The following AZI2 variants were observed in gnomAD, a reference collection of about 807,000 sequenced individuals.
AZI2 encodes 5-azacytidine-induced protein 2.
A neutral mutation model predicts 45.8 loss-of-function variants in AZI2; 22 were observed. The observed-to-expected ratio is 0.48, with a 90% CI of 0.34 to 0.69. The LOEUF (loss-of-function observed/expected upper bound fraction) is 0.69. Ranked by LOEUF, AZI2 falls within the 30% of genes least tolerant of loss-of-function variation. AZI2 has a pLI of 0.01. For missense variants in AZI2, 417 were observed against 441.5 expected, an observed-to-expected ratio of 0.94 and a Z score of 0.50; for synonymous variants, 137 against 156.7, an observed-to-expected ratio of 0.87 and a Z score of 0.94.
In AZI2 at chr3:28,338,653, T is replaced by C. The variant is rs73825134; in HGVS notation, c.217-38A>G. 7,590 of 1,520,936 alleles carry C rather than the reference T, an allele frequency of 5.0e-3. 279 individuals are homozygous for C. In the African/African-American group the frequency reaches 0.084, roughly 17 times the overall value. The allele number at this position is 1,520,936 out of a possible 1,614,324, so 94.2% of individuals were successfully genotyped here. On this transcript the variant is annotated intron_variant, in intron 2 of 7. Transcript: ENST00000479665. ...AATTAGAAGAGAAAGCTTAAGAGAG[T>C]ATTCTATAGATAAAAAATAAGTCAG...
In AZI2 at chr3:28,340,607, A is replaced by C; in HGVS notation, c.11T>G (p.Leu4Arg). Residue 4 changes from leucine to arginine, a missense_variant, in exon 2 of 8, where the codon CTG becomes CGG. Coordinates refer to ENST00000479665, the MANE Select transcript of AZI2 (RefSeq NM_022461.5). MDA[L>R]VEDDICILNH... Reference sequence around the variant, plus strand: ...CAGAATACAGATATCATCTTCTACCAGTGCATCCATGACAACTGTTTAAAA... The same window carrying C: ...CAGAATACAGATATCATCTTCTACCCGTGCATCCATGACAACTGTTTAAAA... 1 of 1,608,038 alleles carries C rather than the reference A, an allele frequency of 6.2e-7. No homozygotes were observed. Among genetic ancestry groups the C allele is most frequent in the Non-Finnish European group, 8.5e-7 (1 of 1,177,486 alleles).
At chr3:28,343,341 C>A (rs917070540) in intron 1 of AZI2, among the ~76,000 whole-genome samples, 5 of 151,804 alleles carry the variant, frequency 3.3e-5, no homozygotes, top group African/African-American at 1.2e-4. Context: ...AGCAGGGGAA[C>A]AAGTTCAAAG....
chr3:28,338,402 G>T, intron 3 of AZI2, 91 bp downstream of exon 3: 5 of 1,331,582 alleles, frequency 3.8e-6, no homozygotes, highest in Non-Finnish European at 4.0e-6. Context: ...ATTACTAAAT[G>T]TAAATATTTA....
At position 28,332,362 on chromosome 3, in the gene AZI2, G is replaced by C. The variant is rs1379839198; in HGVS notation, c.647+7C>G. The C allele has an allele frequency of 1.3e-6, 2 of 1,599,618 alleles. No homozygotes were observed. Among genetic ancestry groups the C allele is most frequent in the South Asian group, 2.2e-5 (2 of 90,702 alleles). ...CGTATTGTCTTAATGCTGAAGAGTG[G>C]TCATACCTTGAAATGCTTAGTTTTT... On this transcript the variant is annotated splice_region_variant and intron_variant, in intron 6 of 7. Coordinates refer to ENST00000479665, the MANE Select transcript of AZI2 (RefSeq NM_022461.5).
rs1159830389 is a variant in AZI2, at chr3:28,322,283, AATC to A, written c.*1756_*1758del. 1 of 151,298 alleles carries A rather than the reference AATC, an allele frequency of 6.6e-6. No individual in the cohort carries two copies. Among genetic ancestry groups the A allele is most frequent in the Admixed American group, 6.6e-5 (1 of 15,120 alleles). The allele number at this position is 151,298 out of a possible 1,614,324, so 9.4% of individuals were successfully genotyped here. A position where few individuals can be genotyped will look rare whatever the true frequency, so the allele number is the denominator to read the frequency against. On this transcript the variant is annotated 3_prime_UTR_variant, in exon 8 of 8. Coordinates refer to ENST00000479665, the MANE Select transcript of AZI2 (RefSeq NM_022461.5). ...TGGTTTAACAAATGTCTATTGTATG[AATC>A]ATATTAACAACCAACAATTAGTACT...
Position 28,338,605 on chromosome 3 carries a change from C to A in AZI2, c.227G>T (p.Arg76Leu). 2 of 1,608,854 alleles carry A rather than the reference C, an allele frequency of 1.2e-6. No individual in the cohort carries two copies. Among genetic ancestry groups the A allele is most frequent in the Non-Finnish European group, 1.7e-6 (2 of 1,177,534 alleles). Residue 76 changes from arginine (R) to leucine (L), a missense_variant, in exon 3 of 8, where the codon CGA (arginine) becomes CTA (leucine). Transcript: ENST00000479665. ...IRFLEEKLIA[R>L]FEEETSSVGR... ...CACGGAACTTGTTTCTTCTTCAAAT[C>A]GAGCTATTAGCTAACGGTATGAAAT...
At chr3:28,341,846 GTTAC>G (rs1223623727) in intron 1 of AZI2, among the ~76,000 whole-genome samples, 1 of 151,992 alleles carries the variant, frequency 6.6e-6, no homozygotes, top group Admixed American at 6.6e-5. Flanking sequence ...ATAAAATTTG[GTTAC>G]TTACTAATAT....
intron 4 of AZI2, 68 bp downstream of exon 4, chr3:28,337,865 CTGTT>C (rs1308589108): frequency 2.1e-6 from 2 of 960,588 alleles, no homozygotes; most frequent in African/African-American, 3.4e-5. Flanking sequence ...ATACAGAAAA[CTGTT>C]GATATTACAA....
chr3:28,335,559 G>A (rs1703757972), intron 5 of AZI2, among the ~76,000 whole-genome samples: 1 of 151,918 alleles, frequency 6.6e-6, no homozygotes, highest in African/African-American at 2.4e-5. Context: ...TATCAGGGAT[G>A]GGGGTGCCAA....
intron 6 of AZI2, among the ~76,000 whole-genome samples, chr3:28,328,462 C>G (rs977675359): frequency 1.3e-5 from 2 of 151,060 alleles, no homozygotes; most frequent in Non-Finnish European, 3.0e-5. Flanking sequence ...TGGTGCGAGA[C>G]AGTAAATCAG....
Position 28,323,033 on chromosome 3 carries a change from T to C in AZI2, c.*1009A>G, listed in dbSNP as rs1176429836. 6.6e-6 allele frequency: 1 copy of C among 151,118 alleles called. No individual in the cohort carries two copies. Among genetic ancestry groups the C allele is most frequent in the Non-Finnish European group, 1.5e-5 (1 of 67,378 alleles). The allele number at this position is 151,118 out of a possible 1,614,324, so 9.4% of individuals were successfully genotyped here. A position where few individuals can be genotyped will look rare whatever the true frequency, so the allele number is the denominator to read the frequency against. On this transcript the variant is annotated 3_prime_UTR_variant, in exon 8 of 8. Coordinates refer to ENST00000479665, the MANE Select transcript of AZI2 (RefSeq NM_022461.5). ...GGCCACTTAGAATAAGTGTGGACAT[T>C]TCATGATCGACAATATCAATACAGC...
At chr3:28,328,493 A>G (rs1473393595) in intron 6 of AZI2, among the ~76,000 whole-genome samples, 1 of 151,184 alleles carries the variant, frequency 6.6e-6, no homozygotes, top group Non-Finnish European at 1.5e-5. Flanking sequence ...AGAGAAAAGA[A>G]GAGCAAATAC....
At chr3:28,325,017 A>G (rs1158121499) in intron 7 of AZI2, 4 of 150,764 alleles carry the variant, frequency 2.7e-5, no homozygotes, top group Non-Finnish European at 3.0e-5. Context: ...AAGTTTTTAT[A>G]TATCAAAGGC....
chr3:28,346,256 G>A (rs1577145661), intron 1 of AZI2, among the ~76,000 whole-genome samples: 1 of 152,012 alleles, frequency 6.6e-6, no homozygotes, highest in Admixed American at 6.6e-5. Context: ...AGTTTAGTTC[G>A]CTTTACCTCT....
chr3:28,325,157 A>AC (rs1559455111), intron 7 of AZI2: 1 of 150,496 alleles, frequency 6.6e-6, no homozygotes, highest in Non-Finnish European at 1.5e-5. Flanking sequence ...CAAAAAAAAA[A>AC]AGTTTTGTAC....
intron 6 of AZI2, among the ~76,000 whole-genome samples, chr3:28,328,036 AAT>A (rs756177641): frequency 9.3e-4 from 139 of 150,152 alleles, no homozygotes; most frequent in Non-Finnish European, 1.3e-3. Context: ...TTTAATATAT[AAT>A]ATATAAAATA....
chr3:28,339,537 A>T (rs540395271), intron 2 of AZI2, among the ~76,000 whole-genome samples: 1 of 152,304 alleles, frequency 6.6e-6, no homozygotes, highest in South Asian at 2.1e-4. Flanking sequence ...TATGAATACA[A>T]AGAAATTATA....
At chr3:28,331,520 A>C (rs1703568396) in intron 6 of AZI2, among the ~76,000 whole-genome samples, 1 of 151,468 alleles carries the variant, frequency 6.6e-6, no homozygotes, top group Non-Finnish European at 1.5e-5. Flanking sequence ...TTTATAGAAA[A>C]AGTCTGCCAA....
chr3:28,346,270 G>T (rs537939643), intron 1 of AZI2, among the ~76,000 whole-genome samples: 1 of 152,160 alleles, frequency 6.6e-6, no homozygotes, highest in South Asian at 2.1e-4. Flanking sequence ...TACCTCTCTA[G>T]ATCAAAATTT....
Sources: gnomAD v4.1 joint callset for allele counts (sites outside exome capture counted in the v4.1 genomes callset) on GRCh38, gnomAD v4.1.1 for gene constraint, MANE v1.5 for transcripts, NCBI Gene and HGNC (gene_info 2026-07-23, HGNC 2026-07-21) for gene names.